RASSF9: variants seen among roughly 807,000 people sequenced by gnomAD.
RASSF9 encodes Ras association domain family member 9.
RASSF9 carries 18 observed loss-of-function variants against 21.4 expected under a neutral mutation model. The observed-to-expected ratio is 0.84, with a 90% CI of 0.58 to 1.25. The LOEUF is 1.25. Ranked by LOEUF, RASSF9 falls within the 50% of genes most tolerant of loss-of-function variation. The probability of loss-of-function intolerance (pLI) is 0.00; values close to 1 mark genes in which losing one functional copy is unlikely to be tolerated. For missense variants in RASSF9, 480 were observed against 503.2 expected (o/e 0.95, Z 0.44); for synonymous variants, 183 against 179.1 (o/e 1.02, Z -0.18).
At chr12:85,810,275 G>C (rs772871576) in intron 1 of RASSF9, among the ~76,000 whole-genome samples, 1 of 151,918 alleles carries the variant, frequency 6.6e-6, no homozygotes, top group Non-Finnish European at 1.5e-5. Flanking sequence ...GGCTGGCACT[G>C]TCATGGGAAA....
intron 1 of RASSF9, among the ~76,000 whole-genome samples, chr12:85,835,844 C>T (rs1229443576): frequency 1.3e-5 from 2 of 152,084 alleles, no homozygotes; most frequent in Non-Finnish European, 2.9e-5. Context: ...AAAAAAGAAA[C>T]TGTTTATGTT....
intron 1 of RASSF9, among the ~76,000 whole-genome samples, chr12:85,807,098 A>G (rs1299921857): frequency 1.3e-5 from 2 of 152,198 alleles, no homozygotes; most frequent in African/African-American, 4.8e-5. Context: ...TATTTTACTT[A>G]AAGTGCTTAG....
In RASSF9 at chr12:85,805,497, A is replaced by G. The variant is rs1592525932; in HGVS notation, c.513T>C (p.Ile171=). ...VRKTFRKLAK[I]KQDTVSHDRD... ...GATCATGAGAAACTGTGTCCTGCTT[A>G]ATTTTAGCCAGTTTCCGGAAAGTTT... The change falls in exon 2 of 2, where the codon ATT becomes ATC. Residue 171 remains isoleucine, a synonymous_variant. Coordinates refer to ENST00000361228, the MANE Select transcript of RASSF9 (RefSeq NM_005447.4). The G allele has an allele frequency of 6.2e-7, 1 of 1,613,948 alleles. No homozygotes were observed.
At chr12:85,818,259 A>G (rs895181936) in intron 1 of RASSF9, among the ~76,000 whole-genome samples, 3 of 152,208 alleles carry the variant, frequency 2.0e-5, no homozygotes, top group African/African-American at 7.2e-5. Context: ...AACCATATCA[A>G]ATAGGTTGTA....
intron 1 of RASSF9, among the ~76,000 whole-genome samples, chr12:85,834,396 A>T (rs1339321650): frequency 6.6e-6 from 1 of 152,090 alleles, no homozygotes; most frequent in African/African-American, 2.4e-5. Flanking sequence ...ATAATTTTGC[A>T]TAGAAAACTT....
In RASSF9 at chr12:85,804,422, G is replaced by A. The variant is rs1468528332; in HGVS notation, c.*280C>T. On this transcript the variant is annotated 3_prime_UTR_variant, in exon 2 of 2. Transcript: ENST00000361228. ...GTAAATCGTTTTCCACAGACGCTAAGGAAGATTATCATATGATTCCCATCA... is the reference window on the plus strand; with the variant it reads ...GTAAATCGTTTTCCACAGACGCTAAAGAAGATTATCATATGATTCCCATCA... 3.1e-6 allele frequency: 1 copy of A among 324,654 alleles called. No individual in the cohort carries two copies. Among genetic ancestry groups the A allele is most frequent in the Non-Finnish European group, 5.6e-6 (1 of 178,044 alleles). The allele number at this position is 324,654 out of a possible 1,614,324, so 20.1% of individuals were successfully genotyped here.
intron 1 of RASSF9, 113 bp downstream of exon 1, chr12:85,836,042 C>T: frequency 6.6e-7 from 1 of 1,524,320 alleles, no homozygotes. Context: ...CTTTTTTTAT[C>T]AGAATCTAAC....
chr12:85,832,450 T>G (rs575680764), intron 1 of RASSF9, among the ~76,000 whole-genome samples: 1 of 151,972 alleles, frequency 6.6e-6, no homozygotes, highest in African/African-American at 2.4e-5. Flanking sequence ...AATTTCTGAT[T>G]GCTATTTAGA....
At chr12:85,826,649 G>A (rs1471398858) in intron 1 of RASSF9, among the ~76,000 whole-genome samples, 5 of 139,944 alleles carry the variant, frequency 3.6e-5, no homozygotes, top group African/African-American at 1.5e-4. Flanking sequence ...GGGTTTCACT[G>A]TGTTAGCCAG....
At chr12:85,820,059 A>G (rs1880173391) in intron 1 of RASSF9, among the ~76,000 whole-genome samples, 1 of 152,214 alleles carries the variant, frequency 6.6e-6, no homozygotes, top group African/African-American at 2.4e-5. Flanking sequence ...GGCAAACTAT[A>G]GCCCTTTGAT....
rs1879768746 is a variant in RASSF9 at position 85,804,421 on chromosome 12, A to C, written c.*281T>G. 1.2e-5 allele frequency: 4 copies of C among 322,952 alleles called. No individual in the cohort carries two copies. The South Asian group carries it at 3.5e-4, about 28-fold the overall frequency. The allele number at this position is 322,952 out of a possible 1,614,324, so 20.0% of individuals were successfully genotyped here. A position where few individuals can be genotyped will look rare whatever the true frequency, so the allele number is the denominator to read the frequency against. On this transcript the variant is annotated 3_prime_UTR_variant, in exon 2 of 2. Coordinates refer to ENST00000361228, the MANE Select transcript of RASSF9 (RefSeq NM_005447.4). ...TGTAAATCGTTTTCCACAGACGCTA[A>C]GGAAGATTATCATATGATTCCCATC...
At chr12:85,833,829 T>C (rs905681863) in intron 1 of RASSF9, among the ~76,000 whole-genome samples, 25 of 152,028 alleles carry the variant, frequency 1.6e-4, no homozygotes, top group South Asian at 4.1e-4. Context: ...ATGTCTGTAT[T>C]TGAAGAATAT....
chr12:85,816,147 C>A (rs1026173734), intron 1 of RASSF9, among the ~76,000 whole-genome samples: 1 of 151,834 alleles, frequency 6.6e-6, no homozygotes, highest in Admixed American at 6.6e-5. Flanking sequence ...CACACTGGGG[C>A]CTTTCAGAGG....
At chr12:85,828,245 A>T (rs1880375361) in intron 1 of RASSF9, among the ~76,000 whole-genome samples, 1 of 152,116 alleles carries the variant, frequency 6.6e-6, no homozygotes, top group South Asian at 2.1e-4. Flanking sequence ...TACTTAGAAC[A>T]TCATGTATAT....
At chr12:85,828,592 C>T (rs1880384352) in intron 1 of RASSF9, among the ~76,000 whole-genome samples, 1 of 152,102 alleles carries the variant, frequency 6.6e-6, no homozygotes, top group African/African-American at 2.4e-5. Context: ...ATTGTGATTA[C>T]AGCAAGTTCT....
At position 85,823,979 on chromosome 12, in the gene RASSF9, T is replaced by C. The variant is rs1592532377; in HGVS notation, c.47+12176A>G. On this transcript the variant is annotated intron_variant, in intron 1 of 1. Transcript: ENST00000361228. The stretch of plus-strand genomic sequence containing the variant: ...CCCTAGGTTTTCGACTGTGACTCAT[T>C]TCTTGTCTCACTATACACATTCTTG... Among the ~76,000 whole-genome samples the C allele has an allele frequency of 2.0e-5, 3 of 152,208 alleles. No homozygotes were observed. The South Asian group carries it at 6.2e-4, about 32-fold the overall frequency.
chr12:85,820,941 C>G (rs898662565), intron 1 of RASSF9, among the ~76,000 whole-genome samples: 1 of 151,872 alleles, frequency 6.6e-6, no homozygotes, highest in African/African-American at 2.4e-5. Context: ...GTCAAGAGAT[C>G]CAGACCATCC....
chr12:85,836,120 G>GACAC (rs771474764), intron 1 of RASSF9, 35 bp downstream of exon 1: 2 of 1,550,038 alleles, frequency 1.3e-6, no homozygotes, highest in East Asian at 2.4e-5. Context: ...CACACACAGA[G>GACAC]ACACACACAC....
At chr12:85,809,256 G>A (rs1879899498) in intron 1 of RASSF9, among the ~76,000 whole-genome samples, 1 of 152,038 alleles carries the variant, frequency 6.6e-6, no homozygotes, top group South Asian at 2.1e-4. Context: ...ATTTAGATAT[G>A]TGGATTAATT....
Sources: allele counts gnomAD v4.1 joint callset (sites outside exome capture counted in the v4.1 genomes callset), GRCh38; gene constraint gnomAD v4.1.1; transcripts MANE v1.5; gene names NCBI Gene and HGNC (gene_info 2026-07-23, HGNC 2026-07-21).